FOXN1: variants seen among roughly 807,000 people sequenced by gnomAD.
FOXN1 encodes forkhead box protein N1.
FOXN1 carries 15 observed loss-of-function variants against 49.0 expected under a neutral mutation model. That is an observed-to-expected ratio of 0.31 (90% CI 0.20 to 0.47). The LOEUF is 0.47. Ranked by LOEUF, FOXN1 falls within the 20% of genes least tolerant of loss-of-function variation. The probability of loss-of-function intolerance (pLI) is 1.00; values close to 1 mark genes in which losing one functional copy is unlikely to be tolerated. For synonymous variants in FOXN1, 356 were observed against 369.0 expected (o/e 0.96, Z 0.40); for missense variants, 800 against 842.8 (o/e 0.95, Z 0.63).
chr17:28,512,056 G>A (rs752187714), intron 1 of FOXN1, among the ~76,000 whole-genome samples: 5 of 152,148 alleles, frequency 3.3e-5, no homozygotes, highest in Admixed American at 6.5e-5. Context: ...GGGCCACAGG[G>A]ACCCAGAGCT....
rs1243041021 is a variant in FOXN1 at position 28,537,330 on chromosome 17, C to T, written c.1841C>T (p.Thr614Ile). ...GSGALGDLHL[T>I]TLYSAFMELE... ...GGGGCACTGGGTGACCTGCACCTCA[C>T]CACCCTCTACTCTGCCTTTATGGAG... is the stretch of plus-strand genomic sequence containing the variant. Residue 614 changes from threonine to isoleucine, a missense_variant, in exon 9 of 9, where the codon ACC (threonine) becomes ATC (isoleucine). Thr to Ile is a moderately conservative substitution (Grantham distance 89). Coordinates refer to ENST00000579795, the MANE Select transcript of FOXN1 (RefSeq NM_001369369.1). 1 of 1,613,414 alleles carries T rather than the reference C, an allele frequency of 6.2e-7. No homozygotes were observed. Among genetic ancestry groups the T allele is most frequent in the South Asian group, 1.1e-5 (1 of 91,072 alleles).
intron 8 of FOXN1, among the ~76,000 whole-genome samples, chr17:28,535,744 A>G (rs990745272): frequency 6.6e-6 from 1 of 152,220 alleles, no homozygotes; most frequent in African/African-American, 2.4e-5. Context: ...CTCCGCCTCA[A>G]AAACAAACAA....
intron 1 of FOXN1, among the ~76,000 whole-genome samples, chr17:28,519,985 T>C (rs1309845922): frequency 6.6e-6 from 1 of 152,152 alleles, no homozygotes; most frequent in Non-Finnish European, 1.5e-5. Context: ...CTGCTAATTA[T>C]TAATAATAGC....
chr17:28,522,797 C>T (rs2069667258), intron 1 of FOXN1, among the ~76,000 whole-genome samples: 2 of 151,336 alleles, frequency 1.3e-5, no homozygotes, highest in Admixed American at 1.3e-4. Context: ...AAGATGATGC[C>T]ACTGCACTCC....
At chr17:28,514,896 C>T (rs975472792) in intron 1 of FOXN1, among the ~76,000 whole-genome samples, 2 of 152,198 alleles carry the variant, frequency 1.3e-5, no homozygotes, top group Admixed American at 6.5e-5. Context: ...CCCCACCCAC[C>T]TTTCAGGCTT....
At chr17:28,510,352 A>T (rs1203011382) in intron 1 of FOXN1, among the ~76,000 whole-genome samples, 1 of 151,818 alleles carries the variant, frequency 6.6e-6, no homozygotes, top group Admixed American at 6.6e-5. Flanking sequence ...ACACGCATAC[A>T]TATATACATA....
At chr17:28,521,359 G>A (rs767931066) in intron 1 of FOXN1, among the ~76,000 whole-genome samples, 1 of 152,226 alleles carries the variant, frequency 6.6e-6, no homozygotes, top group Non-Finnish European at 1.5e-5. Flanking sequence ...CCCATTTGGA[G>A]CTGGAGAATG....
Position 28,530,674 on chromosome 17 carries a change from CA to C in FOXN1, c.831-74del, listed in dbSNP as rs2069889457. The C allele has an allele frequency of 3.6e-6, 3 of 824,600 alleles. No individual in the cohort carries two copies. The East Asian group carries it at 7.3e-5, about 20-fold the overall frequency. The allele number at this position is 824,600 out of a possible 1,614,324, so 51.1% of individuals were successfully genotyped here. ...CCTCCAATCCCATAGAGCCTCTCAC[CA>C]GGGGTGGGGGGCTTGGGGTGGGCTC... On this transcript the variant is annotated intron_variant, in intron 5 of 8. Transcript: ENST00000579795.
chr17:28,522,423 G>C (rs2069659699), intron 1 of FOXN1, among the ~76,000 whole-genome samples: 1 of 152,226 alleles, frequency 6.6e-6, no homozygotes. Flanking sequence ...AAAGCAGGCA[G>C]ATCATCTGAG....
At chr17:28,519,125 C>T (rs147374713) in intron 1 of FOXN1, among the ~76,000 whole-genome samples, 78 of 152,246 alleles carry the variant, frequency 5.1e-4, no homozygotes, top group African/African-American at 1.7e-3. Flanking sequence ...CACCATTGCC[C>T]CCTACCCTCT....
In FOXN1 at chr17:28,524,968, GT is replaced by G; in HGVS notation, c.588+2del. ...CCAGGAGCATGGCCCCCAAGTCCTG[GT>G]GAGTACTAGTGGCCAGCGAGTGTCC... On this transcript the variant is annotated splice_donor_variant, in intron 3 of 8. Transcript: ENST00000579795. LOFTEE classifies it high-confidence loss of function. 1.3e-6 allele frequency: 2 copies of G among 1,598,728 alleles called. No individual in the cohort carries two copies. Among genetic ancestry groups the G allele is most frequent in the Non-Finnish European group, 1.7e-6 (2 of 1,170,716 alleles).
intron 5 of FOXN1, among the ~76,000 whole-genome samples, 191 bp from the exon 6 acceptor site, chr17:28,530,558 G>C (rs1453479244): frequency 2.0e-5 from 3 of 152,178 alleles, no homozygotes; most frequent in African/African-American, 7.2e-5. Flanking sequence ...GGCCACCCAG[G>C]TTTCTCAGAT....
chr17:28,525,431 C>T (rs2151488191), intron 3 of FOXN1, among the ~76,000 whole-genome samples: 2 of 152,292 alleles, frequency 1.3e-5, no homozygotes, highest in African/African-American at 4.8e-5. Flanking sequence ...TGGCCCCATT[C>T]TTTGCCCAGA....
intron 1 of FOXN1, among the ~76,000 whole-genome samples, chr17:28,508,882 A>G (rs9907719): frequency 0.043 from 6,608 of 152,058 alleles, 459 homozygotes; most frequent in African/African-American, 0.15. Flanking sequence ...GGCAGAGGGG[A>G]GTTCAGGAAA....
rs779415464 is a variant in FOXN1 at position 28,524,027 on chromosome 17, G to A, written c.58G>A (p.Glu20Lys). 5 of 1,612,484 alleles carry A rather than the reference G, an allele frequency of 3.1e-6. No individual in the cohort carries two copies. In the East Asian group the frequency reaches 8.9e-5, roughly 29 times the overall value. The change falls in exon 2 of 9, where the codon GAG becomes AAG. Residue 20 changes from glutamate (E) to lysine (K), a missense_variant. This residue lies in a region of FOXN1 where 383 missense variants were observed against 357.9 expected (regional missense o/e 1.07). Transcript: ENST00000579795. ...DVTLPGPTRL[E>K]GERQGDLMQA... ...CACGCTGCCGGGCCCCACCAGACTG[G>A]AGGGCGAGCGCCAAGGGGACCTCAT...
At chr17:28,514,939 G>A (rs1398482660) in intron 1 of FOXN1, among the ~76,000 whole-genome samples, 1 of 152,178 alleles carries the variant, frequency 6.6e-6, no homozygotes, top group Non-Finnish European at 1.5e-5. Context: ...CCAAGGTGGG[G>A]CCGTGTAGCG....
intron 3 of FOXN1, among the ~76,000 whole-genome samples, chr17:28,526,183 GA>G (rs1255199728): frequency 6.6e-6 from 1 of 152,218 alleles, no homozygotes; most frequent in Non-Finnish European, 1.5e-5. Flanking sequence ...GTATCTGGTC[GA>G]CTTGCTGGGT....
Position 28,527,247 on chromosome 17 carries a change from G to A in FOXN1, c.589-4G>A, listed in dbSNP as rs1411160216. 1.9e-6 allele frequency: 3 copies of A among 1,598,284 alleles called. No individual in the cohort carries two copies. The Admixed American group carries it at 5.0e-5, about 27-fold the overall frequency. ...ATCTAGTCATCTGCTTTCTCTTCCA[G>A]CAGGGTTCAGAGGTCAAAGTCAAGC... On this transcript the variant is annotated splice_polypyrimidine_tract_variant and splice_region_variant and intron_variant, in intron 3 of 8. Coordinates refer to ENST00000579795, the MANE Select transcript of FOXN1 (RefSeq NM_001369369.1).
In FOXN1 at chr17:28,534,208, G is replaced by T; in HGVS notation, c.928-123G>T. On this transcript the variant is annotated intron_variant, in intron 6 of 8. Transcript: ENST00000579795. This position sits in a 1 kb window ranked among gnomAD's most constrained non-coding sequence, Gnocchi z 4.1. ...GGATGGGTGCTGAGGAGGACAACAA[G>T]CCCCAGAGTGGGCGGCAGCTCTGTG... 1.4e-6 allele frequency: 2 copies of T among 1,427,810 alleles called. No individual in the cohort carries two copies. Among genetic ancestry groups the T allele is most frequent in the Non-Finnish European group, 1.9e-6 (2 of 1,029,448 alleles). 88.4% of individuals were successfully genotyped at this position (1,427,810 alleles called of 1,614,324 possible). A position where few individuals can be genotyped will look rare whatever the true frequency, so the allele number is the denominator to read the frequency against.
Sources: allele counts gnomAD v4.1 joint callset (sites outside exome capture counted in the v4.1 genomes callset), GRCh38; gene constraint gnomAD v4.1.1; regional missense constraint gnomAD v4.1.1; non-coding constraint Gnocchi (gnomAD v3.1); transcripts MANE v1.5; gene names NCBI Gene and HGNC (gene_info 2026-07-23, HGNC 2026-07-21).